The following HTR5A variants were observed in gnomAD, a reference collection of about 807,000 sequenced individuals.
HTR5A encodes 5-HT-5.
Under a neutral mutation model 24.3 loss-of-function variants are expected in HTR5A, and 21 were observed. That is an observed-to-expected ratio of 0.86 (90% CI 0.61 to 1.24). The LOEUF (loss-of-function observed/expected upper bound fraction) is 1.24, where lower values mean the gene tolerates loss of function less well. Ranked by LOEUF, HTR5A falls within the 50% of genes most tolerant of loss-of-function variation. The pLI is 0.00. For missense variants in HTR5A, 497 were observed against 489.5 expected, an observed-to-expected ratio of 1.02 and a Z score of -0.15; for synonymous variants, 260 against 213.7, an observed-to-expected ratio of 1.22 and a Z score of -1.89.
intron 1 of HTR5A, among the ~76,000 whole-genome samples, chr7:155,081,400 G>C (rs1348319279): frequency 1.3e-5 from 2 of 152,244 alleles, no homozygotes; most frequent in Non-Finnish European, 2.9e-5. Context: ...AATCATTTTG[G>C]AAGGATGAAA....
At chr7:155,071,702 G>A (rs2150816447) in intron 1 of HTR5A, 62 bp downstream of exon 1, 1 of 1,532,226 alleles carries the variant, frequency 6.5e-7, no homozygotes, top group Non-Finnish European at 8.8e-7. Context: ...ATATCCCCAG[G>A]CCACCTGCCC....
Position 155,084,770 on chromosome 7 carries a change from A to C in HTR5A, c.*283A>C. On this transcript the variant is annotated 3_prime_UTR_variant, in exon 2 of 2. Transcript: ENST00000287907. ...AAAGTGTCCTTTCCTCCCCAAATTC[A>C]CTCTGGCATGGTGATCGACATTGTC... The C allele has an allele frequency of 2.8e-6, 1 of 363,600 alleles. No homozygotes were observed. The highest frequency in any genetic ancestry group is 5.7e-5 in the South Asian group (1 of 17,540). 22.5% of individuals were successfully genotyped at this position (363,600 alleles called of 1,614,324 possible). A position where few individuals can be genotyped will look rare whatever the true frequency, so the allele number is the denominator to read the frequency against.
At chr7:155,074,754 C>T (rs1795342551) in intron 1 of HTR5A, 1 of 152,146 alleles carries the variant, frequency 6.6e-6, no homozygotes. Flanking sequence ...ACCAATGATA[C>T]TGAAGCTATT....
chr7:155,075,143 C>T (rs79736486), intron 1 of HTR5A, among the ~76,000 whole-genome samples: 3,517 of 152,162 alleles, frequency 0.023, 136 homozygotes, highest in African/African-American at 0.077. Flanking sequence ...AAACTTGTTC[C>T]GGGCTAAAGA....
intron 1 of HTR5A, among the ~76,000 whole-genome samples, chr7:155,083,318 G>A (rs184259382): frequency 2.6e-5 from 4 of 152,272 alleles, no homozygotes; most frequent in East Asian, 1.9e-4. Flanking sequence ...AGAAACTGTC[G>A]CACATTTTGA....
Position 155,073,853 on chromosome 7 carries a change from A to ATG in HTR5A, c.741+2225_741+2226dup, listed in dbSNP as rs1226352562. On this transcript the variant is annotated intron_variant, in intron 1 of 1. Coordinates refer to ENST00000287907, the MANE Select transcript of HTR5A (RefSeq NM_024012.4). ...GATACACACACACATATATATACAT[A>ATG]TGTGTGTGTGTGTATATATATATGT... is the stretch of plus-strand genomic sequence containing the variant. Among the ~76,000 whole-genome samples the ATG allele has an allele frequency of 1.5e-3, 124 of 83,962 alleles. 3 individuals carry two copies. Among genetic ancestry groups the ATG allele is most frequent in the South Asian group, 1.7e-3 (4 of 2,320 alleles). The allele number at this position is 83,962 out of a possible 152,430, so 55.1% of individuals were successfully genotyped here. A position where few individuals can be genotyped will look rare whatever the true frequency, so the allele number is the denominator to read the frequency against.
At position 155,071,577 on chromosome 7, in the gene HTR5A, T is replaced by C; in HGVS notation, c.678T>C (p.Ala226=). The part of the protein sequence containing the change: ...VLFVYWKIYK[A]AKFRVGSRKT... ...TCGTGTACTGGAAGATCTACAAGGC[T>C]GCCAAGTTCCGCGTGGGCTCCAGGA... is the stretch of plus-strand genomic sequence containing the variant. The change falls in exon 1 of 2, where the codon GCT becomes GCC. Residue 226 remains alanine (A), a synonymous_variant. Transcript: ENST00000287907. The C allele has an allele frequency of 6.2e-7, 1 of 1,614,204 alleles. No individual in the cohort carries two copies. The highest frequency in any genetic ancestry group is 1.1e-5 in the South Asian group (1 of 91,084).
rs751254357 is a variant in HTR5A, at chr7:155,070,963, C to T, written c.64C>T (p.His22Tyr). The part of the protein sequence containing the change: ...LSTPSPLETN[H>Y]SLGKDDLRPS... ...CACCCCCTCCCCTTTGGAGACCAAC[C>T]ACAGCCTCGGCAAAGACGACCTGCG... Residue 22 changes from histidine to tyrosine, a missense_variant, in exon 1 of 2, where the codon CAC becomes TAC. Coordinates refer to ENST00000287907, the MANE Select transcript of HTR5A (RefSeq NM_024012.4). 4 of 1,610,868 alleles carry T rather than the reference C, an allele frequency of 2.5e-6. No homozygotes were observed. In the Admixed American group the frequency reaches 6.7e-5, roughly 27 times the overall value.
chr7:155,085,201 G>A lies in HTR5A; in HGVS notation c.*714G>A, dbSNP rs1300379619. 6.6e-6 allele frequency: 1 copy of A among 152,234 alleles called. No homozygotes were observed. The highest frequency in any genetic ancestry group is 1.5e-5 in the Non-Finnish European group (1 of 68,058). The allele number at this position is 152,234 out of a possible 1,614,324, so 9.4% of individuals were successfully genotyped here. On this transcript the variant is annotated 3_prime_UTR_variant, in exon 2 of 2. Transcript: ENST00000287907. ...TCCGTTGACATGAAACAGGCACTGA[G>A]GGTAACTACTTCCTTTCATTTTGAA...
At position 155,070,605 on chromosome 7, in the gene HTR5A, A is replaced by G. The variant is rs901122005; in HGVS notation, c.-295A>G. ...GGGCGGCCAAACAGCCTTTCCACCAAGGCGAGGAGCCCTGGGCTCCTGACA... is the reference window on the plus strand; with the variant it reads ...GGGCGGCCAAACAGCCTTTCCACCAGGGCGAGGAGCCCTGGGCTCCTGACA... On this transcript the variant is annotated 5_prime_UTR_variant, in exon 1 of 2. Coordinates refer to ENST00000287907, the MANE Select transcript of HTR5A (RefSeq NM_024012.4). The G allele has an allele frequency of 1.1e-5, 5 of 456,944 alleles. No individual in the cohort carries two copies. Among genetic ancestry groups the G allele is most frequent in the African/African-American group, 5.9e-5 (3 of 50,580 alleles). The allele number at this position is 456,944 out of a possible 1,614,324, so 28.3% of individuals were successfully genotyped here.
Position 155,071,289 on chromosome 7 carries a change from G to A in HTR5A, c.390G>A (p.Trp130Ter). ...TGCTTTGCTGCACGGCCAGCATCTG[G>A]AACGTGACGGCCATAGCCCTGGACC... ...CDVLCCTASI[W>*]NVTAIALDRY... The change falls in exon 1 of 2, where the codon TGG becomes TGA. Residue 130 changes from tryptophan to a stop codon, truncating the protein, a stop_gained. Transcript: ENST00000287907. LOFTEE classifies it high-confidence loss of function. 6.2e-7 allele frequency: 1 copy of A among 1,609,144 alleles called. No individual in the cohort carries two copies. Among genetic ancestry groups the A allele is most frequent in the Non-Finnish European group, 8.5e-7 (1 of 1,179,870 alleles).
rs148427087 is a variant in HTR5A, at chr7:155,071,297, C to T, written c.398C>T (p.Thr133Met). The change falls in exon 1 of 2, where the codon ACG becomes ATG. Residue 133 changes from threonine (T) to methionine (M), a missense_variant. Coordinates refer to ENST00000287907, the MANE Select transcript of HTR5A (RefSeq NM_024012.4). ...LCCTASIWNV[T>M]AIALDRYWSI... ...TGCACGGCCAGCATCTGGAACGTGA[C>T]GGCCATAGCCCTGGACCGCTACTGG... 3 of 1,609,904 alleles carry T rather than the reference C, an allele frequency of 1.9e-6. No homozygotes were observed. The highest frequency in any genetic ancestry group is 2.5e-6 in the Non-Finnish European group (3 of 1,179,850).
intron 1 of HTR5A, among the ~76,000 whole-genome samples, chr7:155,075,541 G>A (rs1350768291): frequency 2.6e-5 from 4 of 152,176 alleles, no homozygotes; most frequent in African/African-American, 9.7e-5. Flanking sequence ...TCTTTGTTGA[G>A]GAGCTGTCCT....
At chr7:155,072,702 T>C (rs533271832) in intron 1 of HTR5A, among the ~76,000 whole-genome samples, 1 of 152,328 alleles carries the variant, frequency 6.6e-6, no homozygotes, top group East Asian at 1.9e-4. Context: ...GTGCATACTA[T>C]GGGTTTGGTG....
In HTR5A at chr7:155,086,705, T is replaced by C. The variant is rs753117; in HGVS notation, c.*2218T>C. On this transcript the variant is annotated 3_prime_UTR_variant, in exon 2 of 2. Transcript: ENST00000287907. Reference sequence around the variant, plus strand: ...GTGGCAATTAATGAATTATTTTGCTTCCATTTCAATAGTAAAAGTTGTTTA... The same window carrying C: ...GTGGCAATTAATGAATTATTTTGCTCCCATTTCAATAGTAAAAGTTGTTTA... Among the ~76,000 whole-genome samples the C allele has an allele frequency of 0.7, 106,454 of 152,062 alleles. 37,458 individuals are homozygous for C. Among genetic ancestry groups the C allele is most frequent in the East Asian group, 0.78 (4,054 of 5,178 alleles).
rs771027194 is a variant in HTR5A at position 155,070,932 on chromosome 7, C to T, written c.33C>T (p.Ser11=). Residue 11 remains serine (S), a synonymous_variant, in exon 1 of 2, where the codon TCC becomes TCT. Coordinates refer to ENST00000287907, the MANE Select transcript of HTR5A (RefSeq NM_024012.4). Reference sequence around the variant, plus strand: ...TACCTGTGAACCTAACCTCCTTTTCCCTCTCCACCCCCTCCCCTTTGGAGA... The same window carrying T: ...TACCTGTGAACCTAACCTCCTTTTCTCTCTCCACCCCCTCCCCTTTGGAGA... MDLPVNLTSF[S]LSTPSPLETN... 3.7e-6 allele frequency: 6 copies of T among 1,606,712 alleles called. No individual in the cohort carries two copies. The highest frequency in any genetic ancestry group is 5.1e-6 in the Non-Finnish European group (6 of 1,179,856).
At chr7:155,076,549 C>A in intron 1 of HTR5A, among the ~76,000 whole-genome samples, 1 of 152,080 alleles carries the variant, frequency 6.6e-6, no homozygotes, top group African/African-American at 2.4e-5. Flanking sequence ...AGCATACCAT[C>A]AACAAACAAT....
At chr7:155,082,389 C>T (rs1795427609) in intron 1 of HTR5A, among the ~76,000 whole-genome samples, 2 of 152,026 alleles carry the variant, frequency 1.3e-5, no homozygotes. Flanking sequence ...ACCAGCATCT[C>T]CAGTGTGACC....
Position 155,084,322 on chromosome 7 carries a change from C to A in HTR5A, c.909C>A (p.Leu303=), listed in dbSNP as rs772768835. The change falls in exon 2 of 2, where the codon CTC becomes CTA. Residue 303 remains leucine (L), a synonymous_variant. Coordinates refer to ENST00000287907, the MANE Select transcript of HTR5A (RefSeq NM_024012.4). The stretch of plus-strand genomic sequence containing the variant: ...TGCTCTGCTGGATCCCCTTCTTTCT[C>A]ACCGAGCTCATCAGTCCCCTCTGCT... ...VFVLCWIPFF[L]TELISPLCSC... 6.2e-7 allele frequency: 1 copy of A among 1,614,156 alleles called. No individual in the cohort carries two copies. The highest frequency in any genetic ancestry group is 1.3e-5 in the African/African-American group (1 of 75,038).
Sources: allele counts gnomAD v4.1 joint callset (sites outside exome capture counted in the v4.1 genomes callset), GRCh38; gene constraint gnomAD v4.1.1; transcripts MANE v1.5; gene names NCBI Gene and HGNC (gene_info 2026-07-23, HGNC 2026-07-21).